STPG2: variants seen among roughly 807,000 people sequenced by gnomAD.
The protein encoded by STPG2 is sperm-tail PG-rich repeat-containing protein 2.
A neutral mutation model predicts 54.2 loss-of-function variants in STPG2; 56 were observed. That is an observed-to-expected ratio of 1.03 (90% CI 0.83 to 1.29). The LOEUF is 1.29. STPG2 is among the 50% of genes most tolerant of loss of function. The pLI, the probability that STPG2 is intolerant of heterozygous loss-of-function variation, is 0.00. For synonymous variants in STPG2, 200 were observed against 181.8 expected (o/e 1.10, Z -0.81); for missense variants, 596 against 544.9 (o/e 1.09, Z -0.93).
At chr4:97,816,941 CAT>C (rs763995385) in intron 9 of STPG2, among the ~76,000 whole-genome samples, 34 of 147,236 alleles carry the variant, frequency 2.3e-4, no homozygotes, top group Non-Finnish European at 3.6e-4. Context: ...CATTTATACA[CAT>C]GTGTGTAGAA....
At chr4:97,872,561 CA>C (rs1459140015) in intron 8 of STPG2, among the ~76,000 whole-genome samples, 3 of 150,846 alleles carry the variant, frequency 2.0e-5, no homozygotes, top group South Asian at 2.1e-4. Context: ...AATAAGTATT[CA>C]AAAAAATCTG....
chr4:97,611,447 TAA>T lies in STPG2; in HGVS notation c.1321-52332_1321-52331del, dbSNP rs369293189. Among the ~76,000 whole-genome samples, 634 of 152,050 alleles carry T rather than the reference TAA, an allele frequency of 4.2e-3. 3 individuals are homozygous for T. The highest frequency in any genetic ancestry group is 0.015 in the African/African-American group (605 of 41,516). On this transcript the variant is annotated intron_variant, in intron 10 of 10. Transcript: ENST00000295268. ...GTAAACAATATCTAGGCTTTTATAATAAAAGACTATACCAAAAGCAAGTTTGG... is the reference window on the plus strand; with the variant it reads ...GTAAACAATATCTAGGCTTTTATAATAAGACTATACCAAAAGCAAGTTTGG...
chr4:98,038,585 AT>A, intron 5 of STPG2, among the ~76,000 whole-genome samples: 1 of 152,158 alleles, frequency 6.6e-6, no homozygotes. Context: ...TAAATGTCAA[AT>A]CTCAGCAAGA....
At chr4:97,444,462 A>G (rs1012266683) in intron 4 of STPG2, among the ~76,000 whole-genome samples, 3 of 152,232 alleles carry the variant, frequency 2.0e-5, no homozygotes, top group African/African-American at 7.2e-5. Context: ...TATAGAGGGC[A>G]GAAAACAATA....
chr4:98,045,137 A>T (rs756475052), intron 5 of STPG2, among the ~76,000 whole-genome samples: 26 of 151,216 alleles, frequency 1.7e-4, no homozygotes, highest in Non-Finnish European at 3.4e-4. Context: ...CCCCATTCCA[A>T]GGAGTCTGGC....
intron 10 of STPG2, among the ~76,000 whole-genome samples, chr4:97,675,089 T>C (rs1238994840): frequency 6.6e-6 from 1 of 152,092 alleles, no homozygotes. Context: ...CCGCATCCTC[T>C]ACCTCCTGGG....
chr4:98,001,685 A>G (rs1735419768), intron 5 of STPG2, among the ~76,000 whole-genome samples: 1 of 152,154 alleles, frequency 6.6e-6, no homozygotes. Context: ...TAAGTGCTAA[A>G]TGGAAAACGG....
At chr4:97,463,708 C>T (rs1373675051) in intron 4 of STPG2, 1 of 152,214 alleles carries the variant, frequency 6.6e-6, no homozygotes, top group Non-Finnish European at 1.5e-5. Context: ...CCTTGGCCTC[C>T]CAAAGTGCCA....
At chr4:97,883,827 C>T (rs13140676) in intron 8 of STPG2, among the ~76,000 whole-genome samples, 59,811 of 151,906 alleles carry the variant, frequency 0.39, 11,908 homozygotes, top group Middle Eastern at 0.46. Context: ...GAAGGCTTCT[C>T]GTCATATTTC....
intron 8 of STPG2, among the ~76,000 whole-genome samples, chr4:97,885,327 C>A (rs1003600155): frequency 1.3e-5 from 2 of 152,178 alleles, no homozygotes; most frequent in Non-Finnish European, 1.5e-5. Flanking sequence ...GAAAAGATCT[C>A]TAATGCCACT....
chr4:97,529,297 T>G (rs952579403), intron 4 of STPG2, among the ~76,000 whole-genome samples: 1 of 152,238 alleles, frequency 6.6e-6, no homozygotes, highest in African/African-American at 2.4e-5. Flanking sequence ...TTAATTTGCG[T>G]ATGTTGAACC....
chr4:97,587,230 CTAGT>C (rs1463101819), intron 10 of STPG2, among the ~76,000 whole-genome samples: 2 of 151,740 alleles, frequency 1.3e-5, no homozygotes, highest in African/African-American at 4.8e-5. Context: ...CTCTAAATAA[CTAGT>C]TAAATATTTC....
chr4:97,769,633 T>A (rs1726163544), intron 9 of STPG2, among the ~76,000 whole-genome samples: 1 of 152,098 alleles, frequency 6.6e-6, no homozygotes, highest in Non-Finnish European at 1.5e-5. Context: ...AAAAAAATCA[T>A]CTTCGTTTCA....
intron 4 of STPG2, among the ~76,000 whole-genome samples, chr4:97,509,597 T>C (rs1351186011): frequency 6.6e-6 from 1 of 152,116 alleles, no homozygotes; most frequent in Non-Finnish European, 1.5e-5. Context: ...AAAGCCTTTT[T>C]TTAGGTGTTA....
At chr4:97,646,050 A>G (rs1166966543) in intron 10 of STPG2, among the ~76,000 whole-genome samples, 3 of 152,070 alleles carry the variant, frequency 2.0e-5, no homozygotes, top group Admixed American at 6.6e-5. Context: ...ATTCTTTCCA[A>G]CTAGAGAAGA....
chr4:97,763,794 T>A (rs997266556), intron 9 of STPG2, among the ~76,000 whole-genome samples: 21 of 152,162 alleles, frequency 1.4e-4, no homozygotes, highest in African/African-American at 4.3e-4. Flanking sequence ...TACTTATCAA[T>A]AGCAATCAGT....
intron 10 of STPG2, among the ~76,000 whole-genome samples, chr4:97,564,128 G>A (rs997514691): frequency 2.5e-4 from 38 of 152,176 alleles, no homozygotes; most frequent in African/African-American, 8.4e-4. Flanking sequence ...TGTATTGGGT[G>A]CATATATATT....
intron 5 of STPG2, among the ~76,000 whole-genome samples, chr4:98,067,106 C>T (rs761808599): frequency 5.3e-5 from 8 of 152,102 alleles, no homozygotes; most frequent in Non-Finnish European, 1.0e-4. Flanking sequence ...TCCTTCTCAC[C>T]CCTCTCATTT....
chr4:97,867,791 A>C (rs1729846462), intron 8 of STPG2, among the ~76,000 whole-genome samples: 1 of 152,004 alleles, frequency 6.6e-6, no homozygotes, highest in Non-Finnish European at 1.5e-5. Flanking sequence ...ATGATAGCAA[A>C]ATGGATACTT....
Sources: allele counts gnomAD v4.1 joint callset (sites outside exome capture counted in the v4.1 genomes callset), GRCh38; gene constraint gnomAD v4.1.1; transcripts MANE v1.5; gene names NCBI Gene and HGNC (gene_info 2026-07-23, HGNC 2026-07-21).